ADGRG1: variants seen among roughly 807,000 people sequenced by gnomAD.
The protein encoded by ADGRG1 is 7-transmembrane protein with no EGF-like N-terminal domains-1.
In ADGRG1, 53 loss-of-function variants were observed where a neutral mutation model predicts 73.5. The ratio of observed to expected loss-of-function variants is 0.72; its 90% CI spans 0.58 to 0.91. The LOEUF is 0.91. Ranked by LOEUF, ADGRG1 falls within the 40% of genes least tolerant of loss-of-function variation. The pLI, the probability that ADGRG1 is intolerant of heterozygous loss-of-function variation, is 0.00. For synonymous variants in ADGRG1, 394 were observed against 374.4 expected, an observed-to-expected ratio of 1.05 and a Z score of -0.60; for missense variants, 795 against 871.8, an observed-to-expected ratio of 0.91 and a Z score of 1.11.
At chr16:57,647,040 C>A in intron 1 of ADGRG1, 1 of 901,898 alleles carries the variant, frequency 1.1e-6, no homozygotes, top group Non-Finnish European at 1.3e-6. Context: ...TGTGCGGAGA[C>A]TCATGCTACA....
intron 1 of ADGRG1, chr16:57,644,331 A>G (rs1237622532): frequency 2.4e-5 from 8 of 332,080 alleles, no homozygotes; most frequent in Non-Finnish European, 3.4e-5. Flanking sequence ...ACATTCATGC[A>G]TGGGCACACA....
At chr16:57,651,799 A>T (rs749755121) in intron 3 of ADGRG1, 177 bp downstream of exon 3, 17 of 1,486,878 alleles carry the variant, frequency 1.1e-5, no homozygotes, top group Non-Finnish European at 1.5e-5. Context: ...AAGTGCTAGG[A>T]TTACAGGCAT....
At chr16:57,661,588 C>T (rs145390657) in intron 12 of ADGRG1, 109 bp from the exon 13 acceptor site, 94 of 1,522,618 alleles carry the variant, frequency 6.2e-5, no homozygotes, top group African/African-American at 1.9e-4. Flanking sequence ...AGAAAACAAG[C>T]GCACTTGCTG....
intron 1 of ADGRG1, 161 bp from the exon 2 acceptor site, chr16:57,650,092 G>A: frequency 1.0e-6 from 1 of 974,884 alleles, no homozygotes; most frequent in Non-Finnish European, 1.2e-6. Flanking sequence ...TGCCTCTTGG[G>A]GAGCGGCCTC....
intron 1 of ADGRG1, chr16:57,636,361 G>T: frequency 1.0e-6 from 1 of 985,366 alleles, no homozygotes; most frequent in Non-Finnish European, 1.2e-6. Context: ...GCGCTCCCAG[G>T]CTTCCATGCT....
intron 1 of ADGRG1, chr16:57,634,953 C>T: frequency 3.0e-6 from 3 of 985,324 alleles, no homozygotes; most frequent in Non-Finnish European, 3.6e-6. Context: ...GAACCTCCAC[C>T]ATGAAAGCCA....
intron 1 of ADGRG1, chr16:57,644,211 C>T (rs1372372434): frequency 1.1e-5 from 11 of 983,362 alleles, no homozygotes; most frequent in African/African-American, 7.0e-5. Flanking sequence ...TGTGTATGCA[C>T]GGGCACACGC....
chr16:57,637,179 T>C (rs1438872985), intron 1 of ADGRG1: 3 of 305,746 alleles, frequency 9.8e-6, no homozygotes, highest in African/African-American at 6.8e-5. Flanking sequence ...ATTTCAGCAG[T>C]CCTGCTGCTC....
chr16:57,624,948 G>A (rs1436604443), upstream of ADGRG1, among the ~76,000 whole-genome samples: 2 of 152,106 alleles, frequency 1.3e-5, no homozygotes, highest in Non-Finnish European at 2.9e-5. Context: ...GTCCCCACTT[G>A]GCAGGCGAGG....
chr16:57,662,285 C>T (rs1486558725), intron 13 of ADGRG1, among the ~76,000 whole-genome samples: 1 of 152,204 alleles, frequency 6.6e-6, no homozygotes, highest in Non-Finnish European at 1.5e-5. Flanking sequence ...ATAGTAGGGA[C>T]ATCGTCGTGA....
chr16:57,651,952 A>G (rs1295929017), intron 3 of ADGRG1: 20 of 1,303,824 alleles, frequency 1.5e-5, no homozygotes, highest in Non-Finnish European at 2.0e-5. Context: ...GTGAGAGAGC[A>G]GAGACTGGAA....
chr16:57,659,746 C>T (rs1490627814), intron 11 of ADGRG1, 65 bp downstream of exon 11: 11 of 1,560,296 alleles, frequency 7.0e-6, no homozygotes, highest in Non-Finnish European at 9.7e-6. Context: ...AAAACCCAGG[C>T]ACCTGGTTCT....
At chr16:57,639,514 T>C (rs904756121) in intron 1 of ADGRG1, 1 of 985,268 alleles carries the variant, frequency 1.0e-6, no homozygotes, top group African/African-American at 1.7e-5. Context: ...GTGGCTGGGG[T>C]GGCCCAGCTT....
chr16:57,652,868 G>T lies in ADGRG1; in HGVS notation c.488-335G>T, dbSNP rs529509794. The T allele has an allele frequency of 6.7e-5, 78 of 1,164,800 alleles. No individual in the cohort carries two copies. The African/African-American group carries it at 1.0e-3, about 15-fold the overall frequency. The allele number at this position is 1,164,800 out of a possible 1,614,324, so 72.2% of individuals were successfully genotyped here. A position where few individuals can be genotyped will look rare whatever the true frequency, so the allele number is the denominator to read the frequency against. ...GTGGAGTCCCAGGAACCACCACCAA[G>T]CCCCGCACATCCCTCCTAAGGAGGC... On this transcript the variant is annotated intron_variant, in intron 3 of 13. Coordinates refer to ENST00000562631, the MANE Select transcript of ADGRG1 (RefSeq NM_201525.4).
In ADGRG1 at chr16:57,661,813, G is replaced by A. The variant is rs757051705; in HGVS notation, c.1781G>A (p.Arg594His). ...ATMVVQILRLRPHTQKWSHVL... is the reference protein window; with the variant it reads ...ATMVVQILRLHPHTQKWSHVL... The stretch of plus-strand genomic sequence containing the variant: ...ATGGTGGTGCAGATCCTGCGGCTGC[G>A]CCCCCACACCCAAAAGTGGTCACAT... Residue 594 changes from arginine (R) to histidine (H), a missense_variant, in exon 13 of 14, where the codon CGC becomes CAC. Coordinates refer to ENST00000562631, the MANE Select transcript of ADGRG1 (RefSeq NM_201525.4). 55 of 1,614,076 alleles carry A rather than the reference G, an allele frequency of 3.4e-5. 1 individual carries two copies. The highest frequency in any genetic ancestry group is 2.0e-4 in the South Asian group (18 of 91,082).
intron 1 of ADGRG1, chr16:57,642,047 C>G (rs1567708857): frequency 5.1e-6 from 5 of 983,208 alleles, no homozygotes; most frequent in Non-Finnish European, 6.0e-6. Flanking sequence ...ACTACTACCC[C>G]TGGCTTCAAT....
chr16:57,644,410 G>A (rs185609453), intron 1 of ADGRG1, among the ~76,000 whole-genome samples: 2 of 146,740 alleles, frequency 1.4e-5, no homozygotes, highest in East Asian at 4.1e-4. Context: ...TAATGCATGG[G>A]CACACACACT....
chr16:57,643,708 T>C (rs1215294226), intron 1 of ADGRG1: 2 of 985,070 alleles, frequency 2.0e-6, no homozygotes, highest in Non-Finnish European at 2.4e-6. Flanking sequence ...TCCTGAAAAC[T>C]GAAGTCACTC....
intron 1 of ADGRG1, chr16:57,647,282 C>CT (rs1234786534): frequency 1.0e-6 from 1 of 985,260 alleles, no homozygotes; most frequent in Non-Finnish European, 1.2e-6. Context: ...CCATTGCACT[C>CT]TCCCGGAAAG....
Sources: gnomAD v4.1 joint callset for allele counts (sites outside exome capture counted in the v4.1 genomes callset) on GRCh38, gnomAD v4.1.1 for gene constraint, MANE v1.5 for transcripts, NCBI Gene and HGNC (gene_info 2026-07-23, HGNC 2026-07-21) for gene names.